CSMD1: variants seen among roughly 807,000 people sequenced by gnomAD.
The protein encoded by CSMD1 is CUB and Sushi multiple domains 1, also known as CUB and sushi domain-containing protein 1.
Under a neutral mutation model 417.5 loss-of-function variants are expected in CSMD1, and 213 were observed. The observed-to-expected ratio is 0.51, with a 90% CI of 0.46 to 0.57. The LOEUF is 0.57. CSMD1 is among the 20% of genes least tolerant of loss of function. CSMD1 has a pLI of 0.00. For missense variants in CSMD1, 6,923 were observed against 4,529.7 expected, an observed-to-expected ratio of 1.53 and a Z score of -15.17; for synonymous variants, 2,862 against 1,736.8, an observed-to-expected ratio of 1.65 and a Z score of -16.11.
chr8:4,753,294 T>A (rs1811457494), intron 1 of CSMD1, among the ~76,000 whole-genome samples: 1 of 151,884 alleles, frequency 6.6e-6, no homozygotes, highest in African/African-American at 2.4e-5. Context: ...TGATGAGGAA[T>A]TTTGGAATAC....
At chr8:4,579,042 C>T (rs1799282232) in intron 2 of CSMD1, among the ~76,000 whole-genome samples, 1 of 151,612 alleles carries the variant, frequency 6.6e-6, no homozygotes, top group South Asian at 2.1e-4. Flanking sequence ...CAATGTTAGA[C>T]ACTGCAAAAG....
intron 37 of CSMD1, among the ~76,000 whole-genome samples, chr8:3,166,615 G>T (rs1820233371): frequency 6.6e-6 from 1 of 152,106 alleles, no homozygotes; most frequent in African/African-American, 2.4e-5. Context: ...AACGATGTTT[G>T]CATTGATTGA....
chr8:4,059,163 G>A (rs1198351664), intron 3 of CSMD1, among the ~76,000 whole-genome samples: 1 of 152,150 alleles, frequency 6.6e-6, no homozygotes, highest in East Asian at 1.9e-4. Flanking sequence ...TAACTACACA[G>A]AAACTGAACA....
intron 8 of CSMD1, among the ~76,000 whole-genome samples, chr8:3,587,948 AC>A (rs1357562164): frequency 2.0e-5 from 3 of 152,158 alleles, no homozygotes; most frequent in Non-Finnish European, 4.4e-5. Context: ...ATACAAAAAA[AC>A]AAAACCCAGT....
intron 26 of CSMD1, 91 bp downstream of exon 26, chr8:3,284,053 G>C (rs577393067): frequency 7.6e-6 from 8 of 1,052,616 alleles, no homozygotes; most frequent in African/African-American, 6.3e-5. Flanking sequence ...ATCTGTGTAA[G>C]GAGACGCTGG....
At chr8:4,035,981 T>G (rs371493014) in intron 3 of CSMD1, among the ~76,000 whole-genome samples, 3 of 152,172 alleles carry the variant, frequency 2.0e-5, no homozygotes, top group African/African-American at 7.2e-5. Flanking sequence ...GTAACACTTT[T>G]TTTTATTTTT....
intron 10 of CSMD1, among the ~76,000 whole-genome samples, chr8:3,511,344 C>T (rs910934066): frequency 1.3e-5 from 2 of 150,674 alleles, no homozygotes; most frequent in African/African-American, 5.0e-5. Context: ...CAAACCTGCA[C>T]GTTCTGCACA....
chr8:3,169,094 C>A (rs536721749), intron 37 of CSMD1, among the ~76,000 whole-genome samples: 2 of 152,224 alleles, frequency 1.3e-5, no homozygotes, highest in South Asian at 4.2e-4. Flanking sequence ...GACCAGTATC[C>A]TCATTCATGG....
chr8:3,741,484 A>T (rs1796801439), intron 6 of CSMD1, among the ~76,000 whole-genome samples: 1 of 152,336 alleles, frequency 6.6e-6, no homozygotes, highest in South Asian at 2.1e-4. Flanking sequence ...CATATTTACC[A>T]AGTAAAATGT....
At chr8:3,939,867 G>C (rs755041476) in intron 5 of CSMD1, among the ~76,000 whole-genome samples, 1 of 152,060 alleles carries the variant, frequency 6.6e-6, no homozygotes, top group African/African-American at 2.4e-5. Context: ...TGGGAGAAGG[G>C]TAGGAAGCGG....
chr8:4,157,732 T>C (rs1796913483), intron 3 of CSMD1, among the ~76,000 whole-genome samples: 1 of 152,210 alleles, frequency 6.6e-6, no homozygotes, highest in Non-Finnish European at 1.5e-5. Flanking sequence ...TGGCCGTCCT[T>C]TTCCTAGGAG....
At chr8:4,554,873 C>A (rs754048046) in intron 2 of CSMD1, among the ~76,000 whole-genome samples, 9 of 152,050 alleles carry the variant, frequency 5.9e-5, no homozygotes, top group Non-Finnish European at 1.2e-4. Context: ...AGAAGGTTGC[C>A]AGGCCCAGGT....
intron 5 of CSMD1, among the ~76,000 whole-genome samples, chr8:3,811,886 G>T (rs189915904): frequency 1.3e-5 from 2 of 152,078 alleles, no homozygotes; most frequent in African/African-American, 4.8e-5. Flanking sequence ...TTGTGTTTTT[G>T]CTCATTTGAA....
intron 3 of CSMD1, among the ~76,000 whole-genome samples, chr8:4,310,721 G>C (rs1402829467): frequency 6.6e-6 from 1 of 152,122 alleles, no homozygotes; most frequent in African/African-American, 2.4e-5. Context: ...CGCAAGCATT[G>C]TATACCATGG....
At chr8:4,069,062 C>T (rs2130771108) in intron 3 of CSMD1, among the ~76,000 whole-genome samples, 1 of 152,250 alleles carries the variant, frequency 6.6e-6, no homozygotes, top group South Asian at 2.1e-4. Flanking sequence ...ACTATTTACT[C>T]CTTCTTAAAA....
Position 3,091,610 on chromosome 8 carries a change from T to C in CSMD1, c.7191A>G (p.Glu2397=). ...TACTCCTGCTTGTAAAATTTGATTGTTCAGTATGATTCCCACTTAAGACTA... is the reference window on the plus strand; with the variant it reads ...TACTCCTGCTTGTAAAATTTGATTGCTCAGTATGATTCCCACTTAAGACTA... The part of the protein sequence containing the change: ...LLVVLSGNHT[E]QSNFTSRSNQ... The change falls in exon 48 of 70, where the codon GAA becomes GAG. Residue 2397 remains glutamate (E), a synonymous_variant. Transcript: ENST00000635120. 3.1e-6 allele frequency: 5 copies of C among 1,611,858 alleles called. No individual in the cohort carries two copies. Among genetic ancestry groups the C allele is most frequent in the African/African-American group, 1.3e-5 (1 of 75,004 alleles).
chr8:3,344,118 G>A (rs1585028931), intron 22 of CSMD1, among the ~76,000 whole-genome samples: 1 of 152,194 alleles, frequency 6.6e-6, no homozygotes, highest in South Asian at 2.1e-4. Flanking sequence ...AGATAAGGAA[G>A]ACAAGGCTTG....
chr8:3,153,133 G>A (rs562763831), intron 39 of CSMD1, among the ~76,000 whole-genome samples: 26 of 152,244 alleles, frequency 1.7e-4, no homozygotes, highest in Admixed American at 3.9e-4. Context: ...TAAAGAAACC[G>A]GCTAAACCCA....
At chr8:3,802,286 T>A (rs1021993805) in intron 5 of CSMD1, among the ~76,000 whole-genome samples, 1 of 152,170 alleles carries the variant, frequency 6.6e-6, no homozygotes, top group Non-Finnish European at 1.5e-5. Flanking sequence ...TTTCTGCTAT[T>A]TTTCCACTTT....
Sources: gnomAD v4.1 joint callset for allele counts (sites outside exome capture counted in the v4.1 genomes callset) on GRCh38, gnomAD v4.1.1 for gene constraint, MANE v1.5 for transcripts, NCBI Gene and HGNC (gene_info 2026-07-23, HGNC 2026-07-21) for gene names.